DCAF8L2: variants seen among roughly 807,000 people sequenced by gnomAD.
DCAF8L2 encodes DDB1 and CUL4 associated factor 8 like 2.
For missense variants in DCAF8L2, 430 were observed against 490.7 expected, an observed-to-expected ratio of 0.88 and a Z score of 1.17; for synonymous variants, 200 against 190.9, an observed-to-expected ratio of 1.05 and a Z score of -0.39.
At chrX:27,712,402 C>G (rs990377398) in intron 3 of DCAF8L2, among the ~76,000 whole-genome samples, 1 of 111,577 alleles carries the variant, frequency 9.0e-6, no homozygotes, top group African/African-American at 3.3e-5. Flanking sequence ...ATAGTTAGAC[C>G]CAAACTGCAA....
chrX:27,591,957 G>A (rs1926108834), intron 1 of DCAF8L2, among the ~76,000 whole-genome samples: 1 of 112,516 alleles, frequency 8.9e-6, no homozygotes, highest in Admixed American at 9.4e-5. Context: ...AGCACAGCCT[G>A]GTTGTCGTCC....
At chrX:27,583,091 C>T in the DCAF8L2 span, among the ~76,000 whole-genome samples, 9 of 111,286 alleles carry the variant, frequency 8.1e-5, no homozygotes, top group African/African-American at 2.0e-4. Context: ...CTTTTTCTTT[C>T]TATGCCTTCT....
chrX:27,736,404 G>T (rs935663402), intron 4 of DCAF8L2, among the ~76,000 whole-genome samples: 1 of 111,339 alleles, frequency 9.0e-6, no homozygotes, highest in African/African-American at 3.3e-5. Context: ...TCTTTACTTG[G>T]TGCCTACTCT....
intron 1 of DCAF8L2, among the ~76,000 whole-genome samples, chrX:27,604,787 T>C (rs1450570538): frequency 3.6e-5 from 4 of 111,572 alleles, no homozygotes; most frequent in African/African-American, 1.3e-4. Flanking sequence ...ACATGGCTGG[T>C]AAGCAGACAT....
At position 27,724,126 on chromosome X, in the gene DCAF8L2, A is replaced by C. The variant is rs190099150; in HGVS notation, c.-59+7955A>C. On this transcript the variant is annotated intron_variant, in intron 4 of 4. Coordinates refer to ENST00000451261, the MANE Select transcript of DCAF8L2 (RefSeq NM_001353450.2). ...ATGGGTTAAGAGGGTGGATAGCAACAAGACTTCCAAACATGCATCTTGTAT... is the reference window on the plus strand; with the variant it reads ...ATGGGTTAAGAGGGTGGATAGCAACCAGACTTCCAAACATGCATCTTGTAT... 2.7e-5 allele frequency among the ~76,000 whole-genome samples: 3 copies of C among 110,996 alleles called. No individual in the cohort carries two copies. In the East Asian group the frequency reaches 8.5e-4, roughly 31 times the overall value.
At chrX:27,523,831 T>C in the DCAF8L2 span, among the ~76,000 whole-genome samples, 1 of 110,545 alleles carries the variant, frequency 9.0e-6, no homozygotes, top group African/African-American at 3.3e-5. Flanking sequence ...AGTGTTCTCA[T>C]TGTTCAATTC....
At chrX:27,613,468 G>T (rs1419866821) in intron 1 of DCAF8L2, among the ~76,000 whole-genome samples, 1 of 111,026 alleles carries the variant, frequency 9.0e-6, no homozygotes, top group Non-Finnish European at 1.9e-5. Context: ...GATTGCCCTG[G>T]CCAGAACTTC....
chrX:27,687,723 G>A (rs1930562753), intron 3 of DCAF8L2, among the ~76,000 whole-genome samples: 1 of 111,308 alleles, frequency 9.0e-6, no homozygotes, highest in Non-Finnish European at 1.9e-5. Context: ...TCCTGGTCGT[G>A]CATGTGTGTA....
the DCAF8L2 span, among the ~76,000 whole-genome samples, chrX:27,480,212 A>G: frequency 1.8e-5 from 2 of 112,615 alleles, no homozygotes; most frequent in Non-Finnish European, 3.7e-5. Flanking sequence ...CACTAAAAAG[A>G]CATTCATGAT....
chrX:27,613,493 A>C (rs1251862938), intron 1 of DCAF8L2, among the ~76,000 whole-genome samples: 1 of 111,156 alleles, frequency 9.0e-6, no homozygotes, highest in Non-Finnish European at 1.9e-5. Context: ...ACTATGTTGA[A>C]TAGGAGTGGT....
At chrX:27,599,287 G>T (rs1380462446) in intron 1 of DCAF8L2, among the ~76,000 whole-genome samples, 1 of 111,546 alleles carries the variant, frequency 9.0e-6, no homozygotes, top group Non-Finnish European at 1.9e-5. Context: ...AATACTATGT[G>T]ATTCCACCTA....
intron 1 of DCAF8L2, among the ~76,000 whole-genome samples, chrX:27,626,073 A>T (rs910962342): frequency 8.9e-6 from 1 of 112,091 alleles, no homozygotes; most frequent in Admixed American, 9.5e-5. Context: ...GAAGTAGCTG[A>T]TGTTACCAGA....
chrX:27,566,455 A>G, the DCAF8L2 span, among the ~76,000 whole-genome samples: 13 of 110,020 alleles, frequency 1.2e-4, no homozygotes, highest in African/African-American at 4.3e-4. Context: ...TTTCATCTTG[A>G]TTCAGTTTTA....
chrX:27,625,381 C>T (rs962760888), intron 1 of DCAF8L2, among the ~76,000 whole-genome samples: 34 of 111,922 alleles, frequency 3.0e-4, no homozygotes, highest in African/African-American at 8.8e-4. Flanking sequence ...AAATGGAACA[C>T]TTATTCCATT....
the DCAF8L2 span, among the ~76,000 whole-genome samples, chrX:27,511,764 T>A: frequency 7.1e-5 from 8 of 112,058 alleles, no homozygotes; most frequent in South Asian, 3.0e-3. Flanking sequence ...AATAGGCAAC[T>A]TATGTAGATA....
chrX:27,741,328 C>T (rs7890806), intron 4 of DCAF8L2, among the ~76,000 whole-genome samples: 4,490 of 110,317 alleles, frequency 0.041, 262 homozygotes, highest in African/African-American at 0.14. Context: ...GAGCCACTGC[C>T]GCTCTCCCTC....
the DCAF8L2 span, among the ~76,000 whole-genome samples, chrX:27,536,586 G>A: frequency 9.0e-6 from 1 of 111,431 alleles, no homozygotes; most frequent in Non-Finnish European, 1.9e-5. Context: ...GGGAAGACCT[G>A]GCGTGTGGAC....
At chrX:27,731,311 T>A (rs1464449366) in intron 4 of DCAF8L2, among the ~76,000 whole-genome samples, 1 of 110,928 alleles carries the variant, frequency 9.0e-6, no homozygotes, top group Non-Finnish European at 1.9e-5. Context: ...TTCGGGTGGC[T>A]GAGGCACGAA....
At chrX:27,491,042 T>C in the DCAF8L2 span, among the ~76,000 whole-genome samples, 89 of 112,426 alleles carry the variant, frequency 7.9e-4, no homozygotes, top group Non-Finnish European at 1.2e-3. Flanking sequence ...TGCAGATATT[T>C]TTTCCCCTGA....
Sources: allele counts gnomAD v4.1 joint callset (sites outside exome capture counted in the v4.1 genomes callset), GRCh38; gene constraint gnomAD v4.1.1; transcripts MANE v1.5; gene names NCBI Gene and HGNC (gene_info 2026-07-23, HGNC 2026-07-21).